Variants in KITLG observed in about 807,000 individuals in gnomAD.
KITLG encodes c-Kit ligand.
KITLG carries 13 observed loss-of-function variants against 34.1 expected under a neutral mutation model. That is an observed-to-expected ratio of 0.38 (90% CI 0.25 to 0.61). The LOEUF is 0.61. Among genes scored for constraint, KITLG ranks in the 20% least tolerant of loss-of-function variants. The pLI is 0.60. For missense variants in KITLG, 292 were observed against 318.9 expected (o/e 0.92, Z 0.64); for synonymous variants, 110 against 104.0 (o/e 1.06, Z -0.35).
chr12:88,533,002 G>T lies in KITLG; in HGVS notation c.130-499C>A, dbSNP rs564704849. On this transcript the variant is annotated intron_variant, in intron 2 of 9. Coordinates refer to ENST00000644744, the MANE Select transcript of KITLG (RefSeq NM_000899.5). ...CTTAACAAGTCCTCCAGGTGATTCC[G>T]ATGTGCACCCAAATTTGAGAACTAT... 4.6e-5 allele frequency among the ~76,000 whole-genome samples: 7 copies of T among 152,222 alleles called. No individual in the cohort carries two copies. In the South Asian group the frequency reaches 1.4e-3, roughly 32 times the overall value.
chr12:88,536,794 T>C (rs1343138402), intron 2 of KITLG, among the ~76,000 whole-genome samples: 2 of 151,904 alleles, frequency 1.3e-5, no homozygotes, highest in Non-Finnish European at 2.9e-5. Flanking sequence ...TGAGAACACA[T>C]GGACACAGGG....
chr12:88,520,304 T>C (rs1463555977), intron 3 of KITLG, among the ~76,000 whole-genome samples: 3 of 152,200 alleles, frequency 2.0e-5, no homozygotes, highest in Non-Finnish European at 4.4e-5. Context: ...CTGTCAGTCT[T>C]TCCTTGGATG....
chr12:88,573,700 C>G (rs999149419), intron 1 of KITLG, among the ~76,000 whole-genome samples: 2 of 152,210 alleles, frequency 1.3e-5, no homozygotes, highest in African/African-American at 4.8e-5. Context: ...ACAACGCCCC[C>G]CTCCAACCTG....
At chr12:88,506,467 T>C in intron 7 of KITLG, 89 bp from the exon 8 acceptor site, 1 of 899,998 alleles carries the variant, frequency 1.1e-6, no homozygotes, top group Non-Finnish European at 1.9e-6. Context: ...TTATCTTTTA[T>C]GGCAATAACT....
chr12:88,556,146 G>A (rs1312004594), intron 1 of KITLG, among the ~76,000 whole-genome samples: 2 of 151,052 alleles, frequency 1.3e-5, no homozygotes, highest in African/African-American at 2.4e-5. Flanking sequence ...CCACAGAAGT[G>A]TGGAAACAAG....
chr12:88,529,143 T>C (rs1038205468), intron 3 of KITLG, among the ~76,000 whole-genome samples: 1 of 152,158 alleles, frequency 6.6e-6, no homozygotes, highest in East Asian at 1.9e-4. Flanking sequence ...GTATCCATAA[T>C]AGCTAAAAAT....
At chr12:88,545,449 C>G (rs989489323) in intron 2 of KITLG, among the ~76,000 whole-genome samples, 2 of 152,102 alleles carry the variant, frequency 1.3e-5, no homozygotes, top group Admixed American at 1.3e-4. Context: ...TGGGGCAAGC[C>G]CATCAGCACA....
intron 1 of KITLG, 52 bp downstream of exon 1, chr12:88,580,212 G>A: frequency 6.3e-7 from 1 of 1,578,436 alleles, no homozygotes. Flanking sequence ...CCGGGGCACC[G>A]GGCGCGATTT....
intron 6 of KITLG, among the ~76,000 whole-genome samples, chr12:88,510,439 G>T (rs2120819562): frequency 6.6e-6 from 1 of 152,280 alleles, no homozygotes; most frequent in Middle Eastern, 3.4e-3. Context: ...GAAACTCTGT[G>T]AAGGAGGTAT....
chr12:88,542,897 A>G (rs768143347), intron 2 of KITLG, among the ~76,000 whole-genome samples: 14 of 152,166 alleles, frequency 9.2e-5, no homozygotes, highest in Non-Finnish European at 1.8e-4. Flanking sequence ...TGGCATCCTT[A>G]TAAGTCTATA....
chr12:88,580,359 A>G lies in KITLG; in HGVS notation c.-81T>C. The G allele has an allele frequency of 6.5e-7, 1 of 1,532,060 alleles. No individual in the cohort carries two copies. 94.9% of individuals were successfully genotyped at this position (1,532,060 alleles called of 1,614,324 possible). ...CTGTTCTGGAGCTCCAGCATATTGC[A>G]CGAACAGCGGCGGCAGATAGTCCAC... On this transcript the variant is annotated 5_prime_UTR_variant, in exon 1 of 10. Coordinates refer to ENST00000644744, the MANE Select transcript of KITLG (RefSeq NM_000899.5).
At chr12:88,549,227 A>T (rs983975756) in intron 1 of KITLG, among the ~76,000 whole-genome samples, 1 of 152,216 alleles carries the variant, frequency 6.6e-6, no homozygotes, top group Non-Finnish European at 1.5e-5. Flanking sequence ...TTGCCCAGAC[A>T]TTGACTCTTA....
At chr12:88,562,562 G>A (rs10858759) in intron 1 of KITLG, among the ~76,000 whole-genome samples, 100,159 of 152,094 alleles carry the variant, frequency 0.66, 36,711 homozygotes, top group Middle Eastern at 0.86. Context: ...AAACAGGAGG[G>A]TTTTGTTCAT....
At position 88,545,849 on chromosome 12, in the gene KITLG, C is replaced by T. The variant is rs920649767; in HGVS notation, c.32G>A (p.Cys11Tyr). Reference protein sequence around the residue: MKKTQTWILTCIYLQLLLFNP... With the variant: MKKTQTWILTYIYLQLLLFNP... ...AAATAGGAGCAGCTGAAGATAAATG[C>T]AAGTGAGAATCCAAGTCTAAATGAA... Residue 11 changes from cysteine to tyrosine, a missense_variant, in exon 2 of 10, where the codon TGC becomes TAC. Physicochemically the swap from Cys to Tyr is radical, Grantham distance 194. Transcript: ENST00000644744. 2 of 1,607,336 alleles carry T rather than the reference C, an allele frequency of 1.2e-6. No homozygotes were observed. The highest frequency in any genetic ancestry group is 1.7e-6 in the Non-Finnish European group (2 of 1,174,196).
intron 1 of KITLG, among the ~76,000 whole-genome samples, chr12:88,574,869 T>C (rs1871778887): frequency 6.6e-6 from 1 of 152,220 alleles, no homozygotes. Flanking sequence ...TCTTTAACTA[T>C]GGATTTTGCT....
intron 1 of KITLG, among the ~76,000 whole-genome samples, chr12:88,555,983 A>G (rs1871084680): frequency 6.6e-6 from 1 of 151,936 alleles, no homozygotes; most frequent in Non-Finnish European, 1.5e-5. Context: ...GTACAGCTAA[A>G]CCTGACTTGG....
rs1448906265 is a variant in KITLG, at chr12:88,496,985, G to C, written c.*234C>G. Reference sequence around the variant, plus strand: ...CCCGCAGTCCTTAAAATAGAGTCCTGCTCCATGCAAGTTCTTCTTTATAGA... The same window carrying C: ...CCCGCAGTCCTTAAAATAGAGTCCTCCTCCATGCAAGTTCTTCTTTATAGA... On this transcript the variant is annotated 3_prime_UTR_variant, in exon 10 of 10. Coordinates refer to ENST00000644744, the MANE Select transcript of KITLG (RefSeq NM_000899.5). 1 of 279,770 alleles carries C rather than the reference G, an allele frequency of 3.6e-6. No homozygotes were observed. Among genetic ancestry groups the C allele is most frequent in the Non-Finnish European group, 7.2e-6 (1 of 139,288 alleles). The allele number at this position is 279,770 out of a possible 1,614,324, so 17.3% of individuals were successfully genotyped here. A position where few individuals can be genotyped will look rare whatever the true frequency, so the allele number is the denominator to read the frequency against.
At chr12:88,527,617 G>A (rs11104927) in intron 3 of KITLG, among the ~76,000 whole-genome samples, 12,806 of 152,256 alleles carry the variant, frequency 0.084, 560 homozygotes, top group Non-Finnish European at 0.1. Flanking sequence ...GAGAAACTTT[G>A]AGAAGGAGAA....
chr12:88,567,177 G>C (rs951744807), intron 1 of KITLG, among the ~76,000 whole-genome samples: 1 of 152,084 alleles, frequency 6.6e-6, no homozygotes, highest in African/African-American at 2.4e-5. Context: ...ATCTAAAAGA[G>C]ATTTCTGCAT....
Sources: allele counts gnomAD v4.1 joint callset (sites outside exome capture counted in the v4.1 genomes callset), GRCh38; gene constraint gnomAD v4.1.1; transcripts MANE v1.5; gene names NCBI Gene and HGNC (gene_info 2026-07-23, HGNC 2026-07-21).